The following RP1 variants were observed in gnomAD, a reference collection of about 807,000 sequenced individuals.
RP1 encodes the protein oxygen-regulated protein 1.
Under a neutral mutation model 14.8 loss-of-function variants are expected in RP1, and 16 were observed. The ratio of observed to expected loss-of-function variants is 1.08; its 90% CI spans 0.73 to 1.65. The LOEUF (loss-of-function observed/expected upper bound fraction) is 1.65, where lower values mean the gene tolerates loss of function less well. Ranked by LOEUF, RP1 falls within the 40% of genes most tolerant of loss-of-function variation. RP1 has a pLI of 0.00. For missense variants in RP1, 2,631 were observed against 2,535.0 expected, an observed-to-expected ratio of 1.04 and a Z score of -0.81; for synonymous variants, 876 against 883.6, an observed-to-expected ratio of 0.99 and a Z score of 0.15.
intron 24 of RP1, among the ~76,000 whole-genome samples, chr8:54,793,096 TA>T (rs1810505242): frequency 6.6e-6 from 1 of 151,762 alleles, no homozygotes; most frequent in Non-Finnish European, 1.5e-5. Flanking sequence ...AGAAAACGTA[TA>T]AATTTATAGA....
At chr8:54,857,125 G>A in intron 27 of RP1, 1 of 1,156,848 alleles carries the variant, frequency 8.6e-7, no homozygotes, top group Non-Finnish European at 1.1e-6. Flanking sequence ...TAGTTTCTTG[G>A]TAAGAAGTTT....
exon 17 of RP1, chr8:54,726,455 C>A: frequency 1.3e-6 from 2 of 1,530,780 alleles, no homozygotes; most frequent in Non-Finnish European, 1.7e-6. Flanking sequence ...GGCTAGGAGT[C>A]CCTTACCTTC....
chr8:54,863,023 AC>A (rs1329013612), intron 27 of RP1, among the ~76,000 whole-genome samples: 6 of 140,178 alleles, frequency 4.3e-5, no homozygotes, highest in African/African-American at 1.6e-4. Flanking sequence ...AGTCTTCTCT[AC>A]CCCCAGAGTA....
chr8:54,641,356 G>C (rs960341801), intron 3 of RP1, among the ~76,000 whole-genome samples: 10 of 151,986 alleles, frequency 6.6e-5, no homozygotes, highest in Non-Finnish European at 1.5e-4. Context: ...CAATCACTCA[G>C]GCATGTAGAC....
At chr8:54,716,597 T>C (rs1237188835) in intron 15 of RP1, among the ~76,000 whole-genome samples, 10 of 152,172 alleles carry the variant, frequency 6.6e-5, no homozygotes, top group Admixed American at 6.5e-4. Context: ...GAGTCTTGCA[T>C]AACCTCTGGT....
At chr8:54,788,850 A>C (rs1810391854) in intron 24 of RP1, among the ~76,000 whole-genome samples, 1 of 152,198 alleles carries the variant, frequency 6.6e-6, no homozygotes, top group Non-Finnish European at 1.5e-5. Context: ...TCTACAGAGA[A>C]GAGTGCCTTT....
chr8:54,685,653 A>C (rs1011911278), intron 12 of RP1, among the ~76,000 whole-genome samples: 1 of 152,140 alleles, frequency 6.6e-6, no homozygotes, highest in Middle Eastern at 3.2e-3. Context: ...AACTTTCTTA[A>C]AACATGATGA....
In RP1 at chr8:54,627,325, T is replaced by C. The variant is rs771022080; in HGVS notation, c.3443T>C (p.Val1148Ala). The change falls in exon 4 of 4, where the codon GTT becomes GCT. Residue 1148 changes from valine to alanine, a missense_variant. Physicochemically the swap from Val to Ala is moderately conservative, Grantham distance 64. Coordinates refer to ENST00000220676, the MANE Select transcript of RP1 (RefSeq NM_006269.2). ...LKGSMNSFCQ[V>A]DAHKATNKSS... Reference sequence around the variant, plus strand: ...GGAAGTATGAATAGCTTCTGTCAAGTTGATGCTCACAAGGCTACCAACAAA... The same window carrying C: ...GGAAGTATGAATAGCTTCTGTCAAGCTGATGCTCACAAGGCTACCAACAAA... 1 of 1,614,154 alleles carries C rather than the reference T, an allele frequency of 6.2e-7. No homozygotes were observed. Among genetic ancestry groups the C allele is most frequent in the Non-Finnish European group, 8.5e-7 (1 of 1,179,988 alleles).
intron 24 of RP1, among the ~76,000 whole-genome samples, chr8:54,813,040 C>A (rs1305170856): frequency 6.6e-6 from 1 of 152,220 alleles, no homozygotes; most frequent in Non-Finnish European, 1.5e-5. Context: ...CTGTAAGAAT[C>A]TTATTGTGGA....
chr8:54,795,305 A>G (rs935808899), intron 24 of RP1, among the ~76,000 whole-genome samples: 2 of 152,130 alleles, frequency 1.3e-5, no homozygotes, highest in Admixed American at 1.3e-4. Context: ...GTCATTCATA[A>G]TAGCCAAGAC....
At chr8:54,810,224 T>C (rs1810957792) in intron 24 of RP1, among the ~76,000 whole-genome samples, 1 of 152,154 alleles carries the variant, frequency 6.6e-6, no homozygotes, top group Admixed American at 6.5e-5. Flanking sequence ...GGTTCTAGAG[T>C]ACCCTGCTTC....
chr8:54,705,739 C>G (rs1476570358), intron 14 of RP1, among the ~76,000 whole-genome samples: 1 of 151,996 alleles, frequency 6.6e-6, no homozygotes, highest in Non-Finnish European at 1.5e-5. Flanking sequence ...ACCCACCTCA[C>G]TGACCTCAGT....
chr8:54,664,102 A>C (rs1806959498), intron 7 of RP1, among the ~76,000 whole-genome samples: 2 of 152,016 alleles, frequency 1.3e-5, no homozygotes, highest in Admixed American at 6.6e-5. Flanking sequence ...ATTTCTGTGC[A>C]TTTACTTCAG....
At chr8:54,785,937 T>G (rs752615388) in intron 24 of RP1, among the ~76,000 whole-genome samples, 1 of 152,116 alleles carries the variant, frequency 6.6e-6, no homozygotes, top group Non-Finnish European at 1.5e-5. Flanking sequence ...CATTTGTCTT[T>G]TTATTAATGA....
chr8:54,699,540 T>A, exon 13 of RP1: 1 of 1,401,526 alleles, frequency 7.1e-7, no homozygotes, highest in Non-Finnish European at 9.4e-7. Flanking sequence ...ATCTTTCTCT[T>A]GCTCTTGACA....
chr8:54,676,970 G>A (rs937914756), intron 8 of RP1, among the ~76,000 whole-genome samples: 2 of 151,980 alleles, frequency 1.3e-5, no homozygotes, highest in Admixed American at 6.6e-5. Context: ...AGAGAATAGT[G>A]TATGTAAGGA....
chr8:54,787,934 C>T (rs901899830), intron 24 of RP1, among the ~76,000 whole-genome samples: 2 of 152,162 alleles, frequency 1.3e-5, no homozygotes, highest in Non-Finnish European at 2.9e-5. Flanking sequence ...GCTTTAATTT[C>T]CTCCTTTGTA....
At chr8:54,624,287 A>C (rs1240909956) in intron 3 of RP1, among the ~76,000 whole-genome samples, 1 of 151,940 alleles carries the variant, frequency 6.6e-6, no homozygotes, top group Non-Finnish European at 1.5e-5. Flanking sequence ...GATTAAAAAT[A>C]CAAAACAATT....
At chr8:54,686,894 T>A (rs1457216573) in intron 12 of RP1, among the ~76,000 whole-genome samples, 2 of 152,152 alleles carry the variant, frequency 1.3e-5, no homozygotes, top group Non-Finnish European at 2.9e-5. Context: ...AATTGATTCA[T>A]GCTACTAAAA....
Sources: allele counts gnomAD v4.1 joint callset (sites outside exome capture counted in the v4.1 genomes callset), GRCh38; gene constraint gnomAD v4.1.1; transcripts MANE v1.5; gene names NCBI Gene and HGNC (gene_info 2026-07-23, HGNC 2026-07-21).